RNF115: variants seen among roughly 807,000 people sequenced by gnomAD.
The protein encoded by RNF115 is ring finger protein 115.
RNF115 carries 31 observed loss-of-function variants against 39.2 expected under a neutral mutation model. The ratio of observed to expected loss-of-function variants is 0.79; its 90% CI spans 0.59 to 1.07. The LOEUF is 1.07. RNF115 is among the 50% of genes least tolerant of loss of function. The pLI, the probability that RNF115 is intolerant of heterozygous loss-of-function variation, is 0.00. For missense variants in RNF115, 384 were observed against 381.7 expected (o/e 1.01, Z -0.05); for synonymous variants, 124 against 131.0 (o/e 0.95, Z 0.37).
rs60257682 is a variant in RNF115, at chr1:145,752,585, C to CTTTTTTTTTTTTTTTTTTT, written c.500+374_500+392dup. ...CATCTACATACTCACCTATGCAGCT[C>CTTTTTTTTTTTTTTTTTTT]TTTTTTTTTTTTTTTTTTTTTGAGA... On this transcript the variant is annotated intron_variant, in intron 5 of 8. Coordinates refer to ENST00000582693, the MANE Select transcript of RNF115 (RefSeq NM_014455.4). Among the ~76,000 whole-genome samples the CTTTTTTTTTTTTTTTTTTT allele has an allele frequency of 9.6e-5, 8 of 83,762 alleles. 2 individuals are homozygous for CTTTTTTTTTTTTTTTTTTT. The highest frequency in any genetic ancestry group is 4.6e-4 in the African/African-American group (8 of 17,418). The allele number at this position is 83,762 out of a possible 152,430, so 55.0% of individuals were successfully genotyped here.
intron 3 of RNF115, among the ~76,000 whole-genome samples, chr1:145,776,730 G>C (rs1647906961): frequency 6.6e-6 from 1 of 151,972 alleles, no homozygotes. Flanking sequence ...CAGCTACTCG[G>C]GAAGCTGAGG....
intron 3 of RNF115, among the ~76,000 whole-genome samples, chr1:145,777,608 T>C (rs1264616260): frequency 6.6e-6 from 1 of 150,526 alleles, no homozygotes; most frequent in Non-Finnish European, 1.5e-5. Context: ...TAGATAAGCA[T>C]AAAAGAAAAA....
chr1:145,780,416 C>A (rs1398775100), intron 3 of RNF115, among the ~76,000 whole-genome samples: 1 of 151,824 alleles, frequency 6.6e-6, no homozygotes, highest in Non-Finnish European at 1.5e-5. Flanking sequence ...GTCAGGAGAT[C>A]GAGACCATCC....
At position 145,823,655 on chromosome 1, in the gene RNF115, T is replaced by C. The variant is rs1284237478; in HGVS notation, c.102+117A>G. ...GCGGCTTAGAAGTGGGCAGCAGGTA[T>C]TCGGCAGACCGATGTCGGGCGAGTC... On this transcript the variant is annotated intron_variant, in intron 1 of 8. Transcript: ENST00000582693. 674 of 845,258 alleles carry C rather than the reference T, an allele frequency of 8.0e-4. 1 individual carries two copies. Among genetic ancestry groups the C allele is most frequent in the Non-Finnish European group, 1.1e-3 (644 of 576,330 alleles). The allele number at this position is 845,258 out of a possible 1,614,324, so 52.4% of individuals were successfully genotyped here. A position where few individuals can be genotyped will look rare whatever the true frequency, so the allele number is the denominator to read the frequency against.
At chr1:145,790,425 C>G (rs1429335886) in intron 1 of RNF115, among the ~76,000 whole-genome samples, 2 of 151,220 alleles carry the variant, frequency 1.3e-5, no homozygotes, top group Non-Finnish European at 2.9e-5. Flanking sequence ...TAGGCATGAG[C>G]CACTGCGCCC....
intron 1 of RNF115, among the ~76,000 whole-genome samples, chr1:145,799,506 G>A (rs1559126840): frequency 6.6e-6 from 1 of 151,284 alleles, no homozygotes; most frequent in Admixed American, 6.7e-5. Flanking sequence ...AATAGCAGTG[G>A]CAAGAATGGG....
intron 1 of RNF115, among the ~76,000 whole-genome samples, chr1:145,820,308 G>T (rs1439230088): frequency 6.6e-6 from 1 of 150,878 alleles, no homozygotes; most frequent in East Asian, 1.9e-4. Flanking sequence ...CTACAAAAAA[G>T]AAAAAAAAAT....
chr1:145,765,238 C>T (rs2101508406), intron 4 of RNF115, among the ~76,000 whole-genome samples: 1 of 152,204 alleles, frequency 6.6e-6, no homozygotes, highest in Admixed American at 6.5e-5. Context: ...TGTTAAGAGT[C>T]ATCACCACTC....
intron 1 of RNF115, among the ~76,000 whole-genome samples, chr1:145,803,535 C>A (rs1649340322): frequency 6.6e-6 from 1 of 152,118 alleles, no homozygotes; most frequent in African/African-American, 2.4e-5. Context: ...AATACAGGTG[C>A]CCGCCATTAT....
intron 1 of RNF115, among the ~76,000 whole-genome samples, chr1:145,822,182 C>A (rs1362801639): frequency 2.6e-5 from 4 of 151,710 alleles, no homozygotes; most frequent in African/African-American, 4.8e-5. Flanking sequence ...CAAAAATTAG[C>A]CAGGGTGCGG....
chr1:145,807,987 C>A (rs1553721859), intron 1 of RNF115, among the ~76,000 whole-genome samples: 1 of 152,174 alleles, frequency 6.6e-6, no homozygotes, highest in Non-Finnish European at 1.5e-5. Flanking sequence ...ATAATAACCT[C>A]CAGTTCCATC....
chr1:145,819,362 T>C (rs1447912703), intron 1 of RNF115, among the ~76,000 whole-genome samples: 2 of 144,448 alleles, frequency 1.4e-5, no homozygotes, highest in East Asian at 4.1e-4. Context: ...GGTGGGAGGA[T>C]CACCTGAGTC....
intron 1 of RNF115, among the ~76,000 whole-genome samples, chr1:145,809,558 G>A (rs1342253453): frequency 2.3e-5 from 2 of 87,946 alleles, no homozygotes; most frequent in South Asian, 4.8e-4. Flanking sequence ...GCAGTAGTGC[G>A]ATCTTGGCTC....
chr1:145,819,444 CCT>C (rs1424928630), intron 1 of RNF115, among the ~76,000 whole-genome samples: 3 of 151,920 alleles, frequency 2.0e-5, no homozygotes, highest in African/African-American at 7.3e-5. Context: ...ACAGTGAGAC[CCT>C]GTCTCAAAAA....
intron 1 of RNF115, among the ~76,000 whole-genome samples, chr1:145,815,166 A>G (rs1553723336): frequency 6.6e-6 from 1 of 152,308 alleles, no homozygotes; most frequent in African/African-American, 2.4e-5. Flanking sequence ...TTGCAAGTAC[A>G]ATACAATGAT....
Position 145,751,433 on chromosome 1 carries a change from C to T in RNF115, c.573+5G>A, listed in dbSNP as rs1272250012. 6.4e-7 allele frequency: 1 copy of T among 1,573,276 alleles called. No individual in the cohort carries two copies. The highest frequency in any genetic ancestry group is 8.6e-7 in the Non-Finnish European group (1 of 1,158,278). Reference sequence around the variant, plus strand: ...AACAGACACCCTCAAAAGGCAGCTCCTCACCTGGGTTACAATGGCATCAAG... The same window carrying T: ...AACAGACACCCTCAAAAGGCAGCTCTTCACCTGGGTTACAATGGCATCAAG... On this transcript the variant is annotated splice_donor_5th_base_variant and intron_variant, in intron 6 of 8. Transcript: ENST00000582693.
intron 1 of RNF115, among the ~76,000 whole-genome samples, chr1:145,805,286 G>A (rs1171031931): frequency 6.6e-6 from 1 of 152,148 alleles, no homozygotes; most frequent in South Asian, 2.1e-4. Context: ...GTTAACAGTA[G>A]CCACTGACCA....
At chr1:145,818,214 G>A (rs1303544140) in intron 1 of RNF115, among the ~76,000 whole-genome samples, 35 of 151,980 alleles carry the variant, frequency 2.3e-4, no homozygotes, top group African/African-American at 7.2e-4. Flanking sequence ...CATTCTCACC[G>A]GCAGTGTATA....
chr1:145,762,904 C>G (rs1353266457), intron 4 of RNF115, among the ~76,000 whole-genome samples: 3 of 152,120 alleles, frequency 2.0e-5, no homozygotes, highest in African/African-American at 7.2e-5. Context: ...CAACTTAACA[C>G]AGAAAACAGA....
Sources: gnomAD v4.1 joint callset for allele counts (sites outside exome capture counted in the v4.1 genomes callset) on GRCh38, gnomAD v4.1.1 for gene constraint, MANE v1.5 for transcripts, NCBI Gene and HGNC (gene_info 2026-07-23, HGNC 2026-07-21) for gene names.